The following AIM2 variants were observed in gnomAD, a reference collection of about 807,000 sequenced individuals.
The protein encoded by AIM2 is absent in melanoma 2, also known as interferon-inducible protein AIM2.
Under a neutral mutation model 27.7 loss-of-function variants are expected in AIM2, and 30 were observed. The ratio of observed to expected loss-of-function variants is 1.08; its 90% CI spans 0.81 to 1.47. The LOEUF (loss-of-function observed/expected upper bound fraction) is 1.47. AIM2 is among the 40% of genes most tolerant of loss of function. The pLI is 0.00. For synonymous variants in AIM2, 141 were observed against 145.3 expected (o/e 0.97, Z 0.21); for missense variants, 358 against 411.3 (o/e 0.87, Z 1.12).
chr1:159,139,688 C>T (rs1648075345), intron 1 of AIM2, among the ~76,000 whole-genome samples: 1 of 152,148 alleles, frequency 6.6e-6, no homozygotes, highest in Admixed American at 6.5e-5. Flanking sequence ...AGGTATAGAG[C>T]TTCACATAAA....
chr1:159,078,504 C>G (rs554898806), upstream of AIM2, among the ~76,000 whole-genome samples: 59 of 152,256 alleles, frequency 3.9e-4, no homozygotes, highest in African/African-American at 1.4e-3. Flanking sequence ...GAGGAAGAAC[C>G]CAACAAGCAC....
intron 1 of AIM2, among the ~76,000 whole-genome samples, chr1:159,113,470 G>A (rs539420778): frequency 6.6e-6 from 1 of 152,246 alleles, no homozygotes; most frequent in East Asian, 1.9e-4. Flanking sequence ...TCTAATTCCT[G>A]ATGCAGCCAA....
At chr1:159,123,016 T>C (rs1214320159) in intron 1 of AIM2, among the ~76,000 whole-genome samples, 2 of 152,336 alleles carry the variant, frequency 1.3e-5, no homozygotes, top group African/African-American at 2.4e-5. Context: ...CATTTCATCA[T>C]AGTCTAATTT....
intron 2 of AIM2, among the ~76,000 whole-genome samples, chr1:159,070,610 C>T (rs973211039): frequency 6.6e-6 from 1 of 152,136 alleles, no homozygotes; most frequent in African/African-American, 2.4e-5. Context: ...AATAGCAAGG[C>T]AATCACTGAT....
chr1:159,120,272 C>G (rs896348138), intron 1 of AIM2, among the ~76,000 whole-genome samples: 4 of 152,062 alleles, frequency 2.6e-5, no homozygotes, highest in Non-Finnish European at 5.9e-5. Flanking sequence ...CACCAAAAGA[C>G]GTATAGTAAA....
At chr1:159,107,165 T>C (rs1377030726) in intron 1 of AIM2, among the ~76,000 whole-genome samples, 1 of 152,190 alleles carries the variant, frequency 6.6e-6, no homozygotes, top group Non-Finnish European at 1.5e-5. Flanking sequence ...AGGGATAAAC[T>C]AGTAAATCGC....
chr1:159,140,580 G>C (rs559837974), upstream of AIM2: 2 of 152,222 alleles, frequency 1.3e-5, no homozygotes, highest in Non-Finnish European at 2.9e-5. Flanking sequence ...GCAGTCCTGG[G>C]ACACGTATCT....
chr1:159,102,579 C>T (rs546062455), intron 1 of AIM2, among the ~76,000 whole-genome samples: 1 of 152,366 alleles, frequency 6.6e-6, no homozygotes, highest in Admixed American at 6.5e-5. Flanking sequence ...GAGCTGTACC[C>T]TGCAAAGCCA....
intron 1 of AIM2, among the ~76,000 whole-genome samples, chr1:159,126,847 T>G (rs539958359): frequency 6.6e-6 from 1 of 152,198 alleles, no homozygotes; most frequent in South Asian, 2.1e-4. Flanking sequence ...AAAAACTGCA[T>G]GTCCATCAAA....
intron 5 of AIM2, 120 bp downstream of exon 5, chr1:159,063,366 G>T: frequency 1.1e-6 from 1 of 917,438 alleles, no homozygotes; most frequent in Non-Finnish European, 1.6e-6. Flanking sequence ...AGATGAACGT[G>T]TACTAAATAT....
intron 1 of AIM2, among the ~76,000 whole-genome samples, chr1:159,090,139 C>A (rs549896405): frequency 9.2e-5 from 14 of 152,330 alleles, no homozygotes; most frequent in African/African-American, 3.1e-4. Flanking sequence ...CTGCAGCCCT[C>A]ACTGCAATTT....
intron 1 of AIM2, among the ~76,000 whole-genome samples, chr1:159,119,387 T>G (rs1459970378): frequency 1.3e-5 from 2 of 152,190 alleles, no homozygotes; most frequent in African/African-American, 2.4e-5. Context: ...ATTTTATCTT[T>G]CCCTTTTTCC....
intron 1 of AIM2, among the ~76,000 whole-genome samples, chr1:159,109,182 C>T (rs1355866422): frequency 6.6e-6 from 1 of 151,994 alleles, no homozygotes; most frequent in East Asian, 1.9e-4. Flanking sequence ...CATACCAGTA[C>T]AGCATACTCT....
At chr1:159,117,689 G>A (rs187697882) in intron 1 of AIM2, among the ~76,000 whole-genome samples, 177 of 152,142 alleles carry the variant, frequency 1.2e-3, no homozygotes, top group African/African-American at 4.1e-3. Flanking sequence ...AACAGCTGAG[G>A]CCATGTTGAC....
upstream of AIM2, among the ~76,000 whole-genome samples, chr1:159,077,434 A>C (rs1466777398): frequency 2.0e-5 from 3 of 152,176 alleles, no homozygotes; most frequent in African/African-American, 7.2e-5. Flanking sequence ...AAGTTTTATG[A>C]TATTAAGGGC....
chr1:159,060,469 A>C (rs1655797179), downstream of AIM2, among the ~76,000 whole-genome samples: 1 of 152,212 alleles, frequency 6.6e-6, no homozygotes, highest in Non-Finnish European at 1.5e-5. Context: ...AATTTTTACA[A>C]ATGCATGTAG....
At chr1:159,104,433 T>A (rs1657383727) in intron 1 of AIM2, among the ~76,000 whole-genome samples, 1 of 152,236 alleles carries the variant, frequency 6.6e-6, no homozygotes, top group South Asian at 2.1e-4. Context: ...TGAAAATAAG[T>A]ATGATTGAAA....
At chr1:159,127,574 G>T (rs1170955695) in intron 1 of AIM2, among the ~76,000 whole-genome samples, 1 of 152,262 alleles carries the variant, frequency 6.6e-6, no homozygotes, top group Non-Finnish European at 1.5e-5. Flanking sequence ...TGGTGAAGCT[G>T]ATCAGAAATG....
chr1:159,135,086 C>T (rs545392221), intron 1 of AIM2, among the ~76,000 whole-genome samples: 10 of 152,344 alleles, frequency 6.6e-5, no homozygotes, highest in African/African-American at 2.4e-4. Flanking sequence ...TGCAGCTTTA[C>T]ATGTTTTTCT....
Sources: gnomAD v4.1 joint callset for allele counts (sites outside exome capture counted in the v4.1 genomes callset) on GRCh38, gnomAD v4.1.1 for gene constraint, MANE v1.5 for transcripts, NCBI Gene and HGNC (gene_info 2026-07-23, HGNC 2026-07-21) for gene names.